The following ZNF433 variants were observed in gnomAD, a reference collection of about 807,000 sequenced individuals.
The protein encoded by ZNF433 is zinc finger protein 433.
Under a neutral mutation model 10.6 loss-of-function variants are expected in ZNF433, and 12 were observed. The ratio of observed to expected loss-of-function variants is 1.13; its 90% confidence interval spans 0.72 to 1.83. ZNF433 has a LOEUF of 1.83. ZNF433 is among the 40% of genes most tolerant of loss of function. The probability of loss-of-function intolerance (pLI) is 0.00; values close to 1 mark genes in which losing one functional copy is unlikely to be tolerated. For missense variants in ZNF433, 737 were observed against 798.0 expected (o/e 0.92, Z 0.92); for synonymous variants, 272 against 271.3 (o/e 1.00, Z -0.02).
intron 1 of ZNF433, among the ~76,000 whole-genome samples, chr19:12,035,225 A>AT (rs926028576): frequency 2.0e-5 from 3 of 152,144 alleles, no homozygotes; most frequent in Admixed American, 2.0e-4. Flanking sequence ...CCGAGGCGGG[A>AT]TCCCCCCATG....
At position 12,017,939 on chromosome 19, in the gene ZNF433, A is replaced by G; in HGVS notation, c.131-3T>C. ...GTTCTGGGGTTTCCATTTTTTCCCT[A>G]CAACACACAACAAGGAAAATAATCT... On this transcript the variant is annotated splice_polypyrimidine_tract_variant and splice_region_variant and intron_variant, in intron 2 of 3. Transcript: ENST00000550507. 1 of 1,565,526 alleles carries G rather than the reference A, an allele frequency of 6.4e-7. No homozygotes were observed. Among genetic ancestry groups the G allele is most frequent in the Non-Finnish European group, 8.6e-7 (1 of 1,159,964 alleles).
intron 1 of ZNF433, among the ~76,000 whole-genome samples, chr19:12,031,321 A>C (rs546165481): frequency 2.1e-4 from 32 of 149,184 alleles, no homozygotes; most frequent in Middle Eastern, 3.4e-3. Context: ...CAAAACAAAA[A>C]AAAAAACAAA....
At chr19:12,023,672 A>G (rs1481443921) in intron 1 of ZNF433, 1 of 152,124 alleles carries the variant, frequency 6.6e-6, no homozygotes, top group Non-Finnish European at 1.5e-5. Context: ...ACTCAATTTA[A>G]CAGAGTTGGA....
chr19:12,019,955 A>G (rs1974403519), intron 1 of ZNF433, among the ~76,000 whole-genome samples: 2 of 152,220 alleles, frequency 1.3e-5, no homozygotes, highest in South Asian at 2.1e-4. Flanking sequence ...TACCAAGTAA[A>G]AAAACTAATT....
chr19:12,027,020 G>T (rs1220798706), intron 1 of ZNF433: 1 of 449,464 alleles, frequency 2.2e-6, no homozygotes, highest in African/African-American at 2.0e-5. Flanking sequence ...CAAAATTTGG[G>T]AAAGGATAAA....
chr19:12,027,826 G>C (rs922315550), intron 1 of ZNF433: 8 of 152,196 alleles, frequency 5.3e-5, no homozygotes, highest in African/African-American at 1.4e-4. Context: ...TTAGGCTTCA[G>C]CTGATATAGA....
At chr19:12,025,872 A>C (rs527959708) in intron 1 of ZNF433, 2 of 152,358 alleles carry the variant, frequency 1.3e-5, no homozygotes, top group Admixed American at 6.5e-5. Context: ...TATTAAACAC[A>C]TTATTGGCAT....
At position 12,015,039 on chromosome 19, in the gene ZNF433, T is replaced by C; in HGVS notation, c.1819A>G (p.Arg607Gly). The change falls in exon 4 of 4, where the codon AGG becomes GGG. Residue 607 changes from arginine (R) to glycine (G), a missense_variant. By Grantham distance (125) the Arg-to-Gly change is moderately radical. Coordinates refer to ENST00000550507, the MANE Select transcript of ZNF433 (RefSeq NM_001308348.2). ...TACGGTTTCTCTCCAGTGTGAGTCC[T>C]TCCATGCATTTGAAGTCGCGAGGCA... is the stretch of plus-strand genomic sequence containing the variant. Reference protein sequence around the residue: ...GCASRLQMHGRTHTGEKPYKC... With the variant: ...GCASRLQMHGGTHTGEKPYKC... 1.2e-6 allele frequency: 2 copies of C among 1,614,096 alleles called. No individual in the cohort carries two copies. Among genetic ancestry groups the C allele is most frequent in the East Asian group, 2.2e-5 (1 of 44,886 alleles).
chr19:12,022,414 CCT>C (rs1427739476), intron 1 of ZNF433, among the ~76,000 whole-genome samples: 2 of 152,114 alleles, frequency 1.3e-5, no homozygotes, highest in Non-Finnish European at 2.9e-5. Flanking sequence ...CTGTCAGCCC[CCT>C]GATTTGCCAC....
At position 12,032,099 on chromosome 19, in the gene ZNF433, C is replaced by T. The variant is rs887459632; in HGVS notation, c.3+3438G>A. ...GACTACAGGCTTGTGCCACCATGCC[C>T]GGCTTTTTTTTTGTATTTTTAGTAG... On this transcript the variant is annotated intron_variant, in intron 1 of 3. Coordinates refer to ENST00000550507, the MANE Select transcript of ZNF433 (RefSeq NM_001308348.2). Among the ~76,000 whole-genome samples the T allele has an allele frequency of 1.3e-4, 19 of 151,818 alleles. No individual in the cohort carries two copies. The South Asian group carries it at 2.1e-3, about 17-fold the overall frequency.
In ZNF433 at chr19:12,015,491, A is replaced by G. The variant is rs769439101; in HGVS notation, c.1367T>C (p.Phe456Ser). The G allele has an allele frequency of 4.3e-6, 7 of 1,613,412 alleles. No homozygotes were observed. In the Admixed American group the frequency reaches 1.2e-4, roughly 27 times the overall value. Reference protein sequence around the residue: ...PYACKECGKPFSNFSFFQIHE... With the variant: ...PYACKECGKPSSNFSFFQIHE... ...TATTTGAAAGAAAGAGAAATTACTA[A>G]ATGGTTTTCCACATTCCTTACATGC... The change falls in exon 4 of 4, where the codon TTT becomes TCT. Residue 456 changes from phenylalanine (F) to serine (S), a missense_variant. Phe to Ser is a radical substitution (Grantham distance 155). Transcript: ENST00000550507.
rs1441261930 is a variant in ZNF433, at chr19:12,015,410, G to T, written c.1448C>A (p.Thr483Lys). ...KPYECKGYGK[T>K]FSLPSLFHRH... ...ATGAAATAAACTGGGCAAACTGAAT[G>T]TTTTCCCATAACCCTTACATTCATA... Residue 483 changes from threonine (T) to lysine (K), a missense_variant, in exon 4 of 4, where the codon ACA becomes AAA. Transcript: ENST00000550507. 6.2e-7 allele frequency: 1 copy of T among 1,614,144 alleles called. No individual in the cohort carries two copies. The highest frequency in any genetic ancestry group is 1.7e-5 in the Admixed American group (1 of 60,026).
intron 1 of ZNF433, 30 bp from the exon 2 acceptor site, chr19:12,018,322 T>C (rs934587480): frequency 1.3e-6 from 2 of 1,597,282 alleles, no homozygotes; most frequent in African/African-American, 1.4e-5. Flanking sequence ...TAGAGGAGGA[T>C]GGATAAGACT....
intron 1 of ZNF433, among the ~76,000 whole-genome samples, chr19:12,028,614 C>G (rs866312701): frequency 6.6e-6 from 1 of 152,196 alleles, no homozygotes; most frequent in Non-Finnish European, 1.5e-5. Context: ...CAGCAACAAC[C>G]TACTGAATAT....
At chr19:12,018,662 GAA>G in intron 1 of ZNF433, 1 of 161,980 alleles carries the variant, frequency 6.2e-6, no homozygotes, top group Non-Finnish European at 1.3e-5. Context: ...GCATATCCTT[GAA>G]AAAAAAATGC....
At chr19:12,018,071 C>T (rs1974299684) in intron 2 of ZNF433, 95 bp downstream of exon 2, 1 of 1,412,526 alleles carries the variant, frequency 7.1e-7, no homozygotes, top group South Asian at 1.4e-5. Context: ...TTGTAAATCA[C>T]TCAACAGCAT....
rs186444271 is a variant in ZNF433 at position 12,026,690 on chromosome 19, A to G, written c.4-8398T>C. ...ACAGGATTGGACCTGGTCAGAAAAA[A>G]TGAACGTACTTGTTTGGGAAGATTG... is the stretch of plus-strand genomic sequence containing the variant. On this transcript the variant is annotated intron_variant, in intron 1 of 3. Transcript: ENST00000550507. 2.0e-4 allele frequency: 90 copies of G among 454,144 alleles called. No homozygotes were observed. In the Middle Eastern group the frequency reaches 2.1e-3, roughly 10 times the overall value. 28.1% of individuals were successfully genotyped at this position (454,144 alleles called of 1,614,324 possible).
chr19:12,020,541 A>G (rs778017487), intron 1 of ZNF433, among the ~76,000 whole-genome samples: 3 of 152,228 alleles, frequency 2.0e-5, no homozygotes, highest in Non-Finnish European at 4.4e-5. Flanking sequence ...GAAACACATA[A>G]TTGAAGACGT....
intron 1 of ZNF433, among the ~76,000 whole-genome samples, chr19:12,031,369 C>G (rs1387811247): frequency 6.6e-6 from 1 of 150,742 alleles, no homozygotes; most frequent in Non-Finnish European, 1.5e-5. Context: ...AGATATCAAG[C>G]CAGGCACAGT....
Sources: gnomAD v4.1 joint callset for allele counts (sites outside exome capture counted in the v4.1 genomes callset) on GRCh38, gnomAD v4.1.1 for gene constraint, MANE v1.5 for transcripts, NCBI Gene and HGNC (gene_info 2026-07-23, HGNC 2026-07-21) for gene names.